The following SH2D4B variants were observed in gnomAD, a reference collection of about 807,000 sequenced individuals.
SH2D4B encodes the protein SH2 domain containing 4B.
In SH2D4B, 45 loss-of-function variants were observed where a neutral mutation model predicts 61.5. That is an observed-to-expected ratio of 0.73 (90% CI 0.58 to 0.94). The LOEUF (loss-of-function observed/expected upper bound fraction) is 0.94. SH2D4B is among the 40% of genes least tolerant of loss of function. The pLI is 0.00. For synonymous variants in SH2D4B, 224 were observed against 220.4 expected (o/e 1.02, Z -0.14); for missense variants, 572 against 574.2 (o/e 1.00, Z 0.04).
At chr10:80,613,263 TATATC>T (rs1589357854) in intron 6 of SH2D4B, among the ~76,000 whole-genome samples, 1 of 152,252 alleles carries the variant, frequency 6.6e-6, no homozygotes, top group African/African-American at 2.4e-5. Context: ...AGATTGTAGT[TATATC>T]AAACTACTTG....
At position 80,587,120 on chromosome 10, in the gene SH2D4B, T is replaced by G. The variant is rs188234188; in HGVS notation, c.496-1510T>G. Among the ~76,000 whole-genome samples, 178 of 146,026 alleles carry G rather than the reference T, an allele frequency of 1.2e-3. 2 individuals are homozygous for G. Among genetic ancestry groups the G allele is most frequent in the African/African-American group, 4.0e-3 (154 of 38,902 alleles). ...GTCAGTGAGACCAAGAACCCACCAATTCCGGCCACGTTTTTTTTTTTTTTT... is the reference window on the plus strand; with the variant it reads ...GTCAGTGAGACCAAGAACCCACCAAGTCCGGCCACGTTTTTTTTTTTTTTT... On this transcript the variant is annotated intron_variant, in intron 3 of 7. Transcript: ENST00000646907.
At chr10:80,616,144 G>A (rs1047344168) in intron 6 of SH2D4B, among the ~76,000 whole-genome samples, 3 of 152,136 alleles carry the variant, frequency 2.0e-5, no homozygotes, top group Non-Finnish European at 4.4e-5. Flanking sequence ...TCTATTATGA[G>A]TATGATACCC....
At chr10:80,627,737 GT>G (rs1842780231) in intron 6 of SH2D4B, among the ~76,000 whole-genome samples, 1 of 151,480 alleles carries the variant, frequency 6.6e-6, no homozygotes, top group Non-Finnish European at 1.5e-5. Flanking sequence ...CAGGTGCCAA[GT>G]TTGGGGCCCG....
chr10:80,596,219 G>A (rs11186218), intron 4 of SH2D4B, among the ~76,000 whole-genome samples: 12,948 of 152,268 alleles, frequency 0.085, 609 homozygotes, highest in African/African-American at 0.12. Context: ...CATTGATAAC[G>A]TCTGGGCAGC....
At chr10:80,608,334 G>C (rs1488299183) in intron 5 of SH2D4B, among the ~76,000 whole-genome samples, 5 of 152,082 alleles carry the variant, frequency 3.3e-5, no homozygotes, top group Non-Finnish European at 7.4e-5. Context: ...TTAGATGAGG[G>C]AGCAGATCAG....
At chr10:80,587,629 G>A (rs973744478) in intron 3 of SH2D4B, among the ~76,000 whole-genome samples, 1 of 152,056 alleles carries the variant, frequency 6.6e-6, no homozygotes, top group Non-Finnish European at 1.5e-5. Context: ...TGCATGTGCA[G>A]GTTTGTTACA....
chr10:80,562,062 CAT>C (rs1554875847), intron 1 of SH2D4B, among the ~76,000 whole-genome samples: 18 of 144,620 alleles, frequency 1.2e-4, no homozygotes, highest in East Asian at 1.1e-3. Flanking sequence ...CACACACACA[CAT>C]ATATAAAAAT....
chr10:80,553,640 A>G (rs1841790745), intron 1 of SH2D4B, among the ~76,000 whole-genome samples: 1 of 152,066 alleles, frequency 6.6e-6, no homozygotes, highest in African/African-American at 2.4e-5. Flanking sequence ...TGTGTCCTTG[A>G]GCTGGGGTAG....
chr10:80,541,726 C>T (rs910013570), intron 1 of SH2D4B, among the ~76,000 whole-genome samples: 9 of 152,188 alleles, frequency 5.9e-5, no homozygotes, highest in East Asian at 1.9e-4. Flanking sequence ...CTCACAGCCC[C>T]GGAGTTGTGC....
intron 1 of SH2D4B, among the ~76,000 whole-genome samples, chr10:80,545,756 TTGAC>T (rs932598413): frequency 6.6e-6 from 1 of 152,094 alleles, no homozygotes; most frequent in Non-Finnish European, 1.5e-5. Flanking sequence ...ACAGAGGGGT[TTGAC>T]TGGGGACACA....
rs141983654 is a variant in SH2D4B, at chr10:80,635,973, A to G, written c.1209+1468A>G. ...TTCCCCCAACCGCACAACAGGCCCC[A>G]GTGTCTGATGTTCCCTGCCCTGTGT... is the stretch of plus-strand genomic sequence containing the variant. On this transcript the variant is annotated intron_variant, in intron 7 of 7. Transcript: ENST00000646907. Among the ~76,000 whole-genome samples, 465 of 152,216 alleles carry G rather than the reference A, an allele frequency of 3.1e-3. 5 individuals are homozygous for G. The highest frequency in any genetic ancestry group is 0.011 in the African/African-American group (439 of 41,540).
intron 1 of SH2D4B, among the ~76,000 whole-genome samples, chr10:80,550,154 T>C (rs1167365558): frequency 6.6e-6 from 1 of 152,052 alleles, no homozygotes; most frequent in East Asian, 1.9e-4. Flanking sequence ...GCAGCTGCAT[T>C]CTATACTATG....
intron 1 of SH2D4B, among the ~76,000 whole-genome samples, chr10:80,540,569 A>G (rs987566384): frequency 6.6e-6 from 1 of 152,166 alleles, no homozygotes; most frequent in African/African-American, 2.4e-5. Flanking sequence ...CAGCTGCTAC[A>G]TCTCATGACT....
intron 5 of SH2D4B, among the ~76,000 whole-genome samples, chr10:80,606,025 G>A (rs752764008): frequency 1.5e-4 from 23 of 152,152 alleles, no homozygotes; most frequent in Non-Finnish European, 3.1e-4. Context: ...ACAAGCAGCT[G>A]TGCATACAGG....
At chr10:80,624,319 AAG>A (rs1268499899) in intron 6 of SH2D4B, among the ~76,000 whole-genome samples, 1 of 152,188 alleles carries the variant, frequency 6.6e-6, no homozygotes, top group East Asian at 1.9e-4. Context: ...TGGGTTGCAG[AAG>A]AGGGATTAAG....
intron 4 of SH2D4B, among the ~76,000 whole-genome samples, chr10:80,589,904 C>T (rs552666266): frequency 6.6e-6 from 1 of 152,242 alleles, no homozygotes; most frequent in South Asian, 2.1e-4. Context: ...TCGCAAGAAG[C>T]TAGGTGGGGA....
At chr10:80,623,214 C>T (rs923970263) in intron 6 of SH2D4B, among the ~76,000 whole-genome samples, 7 of 152,206 alleles carry the variant, frequency 4.6e-5, no homozygotes, top group African/African-American at 9.6e-5. Context: ...CGTGCCTGGC[C>T]GAAACTGGAT....
At chr10:80,582,210 G>A (rs534902961) in intron 3 of SH2D4B, among the ~76,000 whole-genome samples, 1 of 152,116 alleles carries the variant, frequency 6.6e-6, no homozygotes, top group South Asian at 2.1e-4. Context: ...AAAGGGAAAC[G>A]CTGGGGTGTT....
rs530707269 is a variant in SH2D4B, at chr10:80,541,007, T to C, written c.184+2492T>C. 81 of 1,096,692 alleles carry C rather than the reference T, an allele frequency of 7.4e-5. No individual in the cohort carries two copies. In the African/African-American group the frequency reaches 9.9e-4, roughly 13 times the overall value. The allele number at this position is 1,096,692 out of a possible 1,614,324, so 67.9% of individuals were successfully genotyped here. A position where few individuals can be genotyped will look rare whatever the true frequency, so the allele number is the denominator to read the frequency against. ...GAAAGAACTCGGGAATGAGTCAGAA[T>C]GATAGGAAAGGCAAGAAACTGTTAG... On this transcript the variant is annotated intron_variant, in intron 1 of 7. Coordinates refer to ENST00000646907, the MANE Select transcript of SH2D4B (RefSeq NM_001388272.1).
Sources: gnomAD v4.1 joint callset for allele counts (sites outside exome capture counted in the v4.1 genomes callset) on GRCh38, gnomAD v4.1.1 for gene constraint, MANE v1.5 for transcripts, NCBI Gene and HGNC (gene_info 2026-07-23, HGNC 2026-07-21) for gene names.